The following SGCZ variants were observed in gnomAD, a reference collection of about 807,000 sequenced individuals.
SGCZ encodes the protein sarcoglycan zeta.
In SGCZ, 40 loss-of-function variants were observed where a neutral mutation model predicts 41.3. The ratio of observed to expected loss-of-function variants is 0.97; its 90% CI spans 0.75 to 1.26. SGCZ has a LOEUF of 1.26. Among genes scored for constraint, SGCZ ranks in the 50% most tolerant of loss-of-function variants. The pLI, the probability that SGCZ is intolerant of heterozygous loss-of-function variation, is 0.00. For missense variants in SGCZ, 552 were observed against 369.8 expected (o/e 1.49, Z -4.04); for synonymous variants, 206 against 137.5 (o/e 1.50, Z -3.49).
intron 1 of SGCZ, among the ~76,000 whole-genome samples, chr8:14,694,076 T>C (rs1808884902): frequency 1.3e-5 from 2 of 152,204 alleles, no homozygotes; most frequent in South Asian, 4.1e-4. Context: ...AATCTACTTA[T>C]ATTAATATTT....
intron 1 of SGCZ, among the ~76,000 whole-genome samples, chr8:14,683,682 C>G (rs1315508390): frequency 6.6e-6 from 1 of 152,068 alleles, no homozygotes; most frequent in African/African-American, 2.4e-5. Context: ...AACAAAATAA[C>G]ATAGTACAAG....
intron 4 of SGCZ, among the ~76,000 whole-genome samples, chr8:14,215,164 G>A (rs969861398): frequency 6.6e-6 from 1 of 152,108 alleles, no homozygotes; most frequent in African/African-American, 2.4e-5. Flanking sequence ...CACAAAATAT[G>A]TTTCTTGACT....
intron 2 of SGCZ, among the ~76,000 whole-genome samples, chr8:14,454,444 CT>C (rs887634762): frequency 1.3e-5 from 2 of 152,086 alleles, no homozygotes; most frequent in African/African-American, 4.8e-5. Context: ...AATTGTGCCT[CT>C]TCTCATCCGT....
At chr8:14,806,163 A>T (rs1431175378) in intron 1 of SGCZ, among the ~76,000 whole-genome samples, 15 of 152,086 alleles carry the variant, frequency 9.9e-5, no homozygotes, top group Non-Finnish European at 1.8e-4. Flanking sequence ...ACATCACAAT[A>T]AAAGGAACTA....
At chr8:14,711,043 G>C (rs948819418) in intron 1 of SGCZ, among the ~76,000 whole-genome samples, 4 of 152,060 alleles carry the variant, frequency 2.6e-5, no homozygotes, top group African/African-American at 7.2e-5. Context: ...GACAATAAAA[G>C]ATTAAATGTT....
intron 1 of SGCZ, among the ~76,000 whole-genome samples, chr8:15,000,909 A>G (rs553537026): frequency 8.5e-5 from 13 of 152,252 alleles, no homozygotes; most frequent in Non-Finnish European, 1.5e-4. Context: ...ACCCACCCAC[A>G]TGTGTCTGTG....
chr8:14,256,747 A>G (rs931595728), intron 3 of SGCZ, among the ~76,000 whole-genome samples: 15 of 152,264 alleles, frequency 9.9e-5, no homozygotes, highest in African/African-American at 3.6e-4. Context: ...TCATTTCTCA[A>G]TTACATGAAT....
intron 1 of SGCZ, among the ~76,000 whole-genome samples, chr8:14,974,537 T>A (rs1008951795): frequency 6.6e-6 from 1 of 152,094 alleles, no homozygotes; most frequent in African/African-American, 2.4e-5. Context: ...TAATCAGAGG[T>A]CTCTGAAAAC....
chr8:15,008,624 GGGAGGGAAGGAA>G (rs1233525350), intron 1 of SGCZ, among the ~76,000 whole-genome samples: 4 of 99,002 alleles, frequency 4.0e-5, no homozygotes, highest in Non-Finnish European at 8.1e-5. Flanking sequence ...ATGGACGGAT[GGGAGGGAAGGAA>G]GGAGGGAAGG....
At chr8:15,087,507 C>T (rs181153304) in intron 1 of SGCZ, among the ~76,000 whole-genome samples, 216 of 152,178 alleles carry the variant, frequency 1.4e-3, no homozygotes, top group African/African-American at 3.9e-3. Flanking sequence ...CTGCTTAATG[C>T]ATTTCTGCCA....
intron 1 of SGCZ, among the ~76,000 whole-genome samples, chr8:15,166,282 C>G (rs1206850645): frequency 4.8e-5 from 7 of 145,244 alleles, no homozygotes; most frequent in Non-Finnish European, 8.9e-5. Flanking sequence ...GAGTCTCGCT[C>G]TGTCGCCCAG....
intron 3 of SGCZ, among the ~76,000 whole-genome samples, chr8:14,274,818 TAA>T (rs1800174911): frequency 1.3e-5 from 2 of 152,068 alleles, no homozygotes; most frequent in African/African-American, 4.8e-5. Flanking sequence ...ATTAAAATCA[TAA>T]TATAGGTCTC....
intron 1 of SGCZ, among the ~76,000 whole-genome samples, chr8:15,152,214 A>T (rs1439033300): frequency 6.6e-6 from 1 of 152,226 alleles, no homozygotes; most frequent in African/African-American, 2.4e-5. Flanking sequence ...GCTGAATCAC[A>T]GGAAACAGGT....
intron 2 of SGCZ, among the ~76,000 whole-genome samples, chr8:14,418,955 G>A (rs1292393145): frequency 6.6e-6 from 1 of 151,910 alleles, no homozygotes; most frequent in Non-Finnish European, 1.5e-5. Context: ...ATAGTCACCT[G>A]TATCTTCATG....
chr8:14,313,267 G>A (rs139773055), intron 3 of SGCZ, among the ~76,000 whole-genome samples: 1 of 152,024 alleles, frequency 6.6e-6, no homozygotes, highest in South Asian at 2.1e-4. Context: ...TGTAGTAAAA[G>A]GTTTCTGTTA....
intron 5 of SGCZ, among the ~76,000 whole-genome samples, chr8:14,146,890 A>AAAAAAAAAAAAT (rs1182329393): frequency 3.4e-5 from 4 of 116,266 alleles, no homozygotes; most frequent in African/African-American, 1.1e-4. Context: ...AAAATAAAAA[A>AAAAAAAAAAAAT]AATAATAATA....
At chr8:15,195,816 C>T (rs1800706069) in intron 1 of SGCZ, among the ~76,000 whole-genome samples, 1 of 151,326 alleles carries the variant, frequency 6.6e-6, no homozygotes, top group Non-Finnish European at 1.5e-5. Context: ...ATGTTTATAG[C>T]AAATGAGACT....
At chr8:14,731,883 C>G (rs1810249870) in intron 1 of SGCZ, among the ~76,000 whole-genome samples, 1 of 152,132 alleles carries the variant, frequency 6.6e-6, no homozygotes, top group Non-Finnish European at 1.5e-5. Flanking sequence ...CCACTCAAAA[C>G]ACCTAGCAGA....
At chr8:14,554,609 G>A in intron 2 of SGCZ, 123 bp downstream of exon 2, 1 of 794,414 alleles carries the variant, frequency 1.3e-6, no homozygotes, top group South Asian at 2.2e-5. Flanking sequence ...ATTTTCTTTG[G>A]GATTTAAAAA....
Sources: gnomAD v4.1 joint callset for allele counts (sites outside exome capture counted in the v4.1 genomes callset) on GRCh38, gnomAD v4.1.1 for gene constraint, MANE v1.5 for transcripts, NCBI Gene and HGNC (gene_info 2026-07-23, HGNC 2026-07-21) for gene names.